Variants in MEF2D observed in about 807,000 individuals in gnomAD.
The protein encoded by MEF2D is myocyte enhancer factor 2D.
Under a neutral mutation model 59.3 loss-of-function variants are expected in MEF2D, and 10 were observed. The observed-to-expected ratio is 0.17, with a 90% CI of 0.10 to 0.29. The LOEUF is 0.29. Ranked by LOEUF, MEF2D falls within the 10% of genes least tolerant of loss-of-function variation. The probability of loss-of-function intolerance (pLI) is 1.00; values close to 1 mark genes in which losing one functional copy is unlikely to be tolerated. For synonymous variants in MEF2D, 305 were observed against 295.0 expected, an observed-to-expected ratio of 1.03 and a Z score of -0.35; for missense variants, 508 against 699.4, an observed-to-expected ratio of 0.73 and a Z score of 3.09.
intron 1 of MEF2D, among the ~76,000 whole-genome samples, chr1:156,493,177 G>A (rs977381723): frequency 1.3e-5 from 2 of 152,208 alleles, no homozygotes; most frequent in East Asian, 3.8e-4. Flanking sequence ...AGAGCTAAGA[G>A]AGAGGGGAAA....
chr1:156,464,635 G>A lies in MEF2D; in HGVS notation c.*3010C>T, dbSNP rs1227226236. The A allele has an allele frequency of 6.6e-6, 1 of 152,168 alleles. No homozygotes were observed. Among genetic ancestry groups the A allele is most frequent in the Non-Finnish European group, 1.5e-5 (1 of 68,046 alleles). The allele number at this position is 152,168 out of a possible 1,614,324, so 9.4% of individuals were successfully genotyped here. ...CTCATCTGAGGTCTGGGTTCCCAGG[G>A]ACCCATTCATCTGGCCGCCCAGGAG... On this transcript the variant is annotated 3_prime_UTR_variant, in exon 12 of 12. Coordinates refer to ENST00000348159, the MANE Select transcript of MEF2D (RefSeq NM_005920.4).
intron 1 of MEF2D, among the ~76,000 whole-genome samples, chr1:156,491,120 G>C (rs113771660): frequency 0.061 from 9,216 of 152,274 alleles, 964 homozygotes; most frequent in African/African-American, 0.21. Flanking sequence ...CAGTAGAGAA[G>C]GGATGGGTGA....
chr1:156,485,222 C>T (rs1459620677), intron 1 of MEF2D, among the ~76,000 whole-genome samples: 3 of 152,198 alleles, frequency 2.0e-5, no homozygotes, highest in Non-Finnish European at 4.4e-5. Context: ...CCCTACCCCC[C>T]AGCTCCCACT....
intron 1 of MEF2D, among the ~76,000 whole-genome samples, chr1:156,489,227 T>C (rs555783065): frequency 6.6e-6 from 1 of 152,210 alleles, no homozygotes; most frequent in African/African-American, 2.4e-5. Context: ...TGGAGACAGC[T>C]GTCATCCCTC....
In MEF2D at chr1:156,480,879, G is replaced by A. The variant is rs775893902; in HGVS notation, c.351C>T (p.Tyr117=). ...LEQSPLLEDK[Y]RRASEELDGL... ...CGTCGAGCTCCTCGCTGGCGCGTCG[G>A]TACTTGTCCTCCAGCAGGGGGCTCT... Residue 117 remains tyrosine, a synonymous_variant, in exon 4 of 12, where the codon TAC becomes TAT. Coordinates refer to ENST00000348159, the MANE Select transcript of MEF2D (RefSeq NM_005920.4). 5.0e-6 allele frequency: 8 copies of A among 1,608,050 alleles called. No homozygotes were observed. In the African/African-American group the frequency reaches 1.1e-4, roughly 21 times the overall value.
intron 6 of MEF2D, 50 bp from the exon 7 acceptor site, chr1:156,477,252 T>G: frequency 2.0e-6 from 3 of 1,500,828 alleles, no homozygotes; most frequent in Non-Finnish European, 2.7e-6. Context: ...GGCCTATCCT[T>G]CAGCCCTATT....
chr1:156,473,404 G>A lies in MEF2D; in HGVS notation c.1006+1704C>T, dbSNP rs148114578. Among the ~76,000 whole-genome samples, 613 of 152,296 alleles carry A rather than the reference G, an allele frequency of 4.0e-3. 4 individuals carry two copies. The highest frequency in any genetic ancestry group is 0.013 in the African/African-American group (548 of 41,552). On this transcript the variant is annotated intron_variant, in intron 9 of 11. Transcript: ENST00000348159. ...GTTCAACTCTGGGAGGCTTGGGGAA[G>A]GGGGAGAAGTTTATGAGTCTTTTGG...
At chr1:156,499,912 C>A (rs1673380706) in intron 1 of MEF2D, among the ~76,000 whole-genome samples, 1 of 152,068 alleles carries the variant, frequency 6.6e-6, no homozygotes, top group South Asian at 2.1e-4. Flanking sequence ...TCACACACCC[C>A]AACCCACTAC....
At position 156,468,274 on chromosome 1, in the gene MEF2D, C is replaced by T; in HGVS notation, c.1273G>A (p.Gly425Ser). ...TGGGTGGTGACTGTGAGGGCAGCAC[C>T]CACGTGGGGCAGGGGGCTGCCCGGG... ...LIPGSPLPHV[G>S]AALTVTTHPH... The change falls in exon 11 of 12, where the codon GGT becomes AGT. Residue 425 changes from glycine (G) to serine (S), a missense_variant. Physicochemically the swap from Gly to Ser is moderately conservative, Grantham distance 56. This residue lies in a region of MEF2D where 481 missense variants were observed against 584.7 expected (regional missense o/e 0.82). Transcript: ENST00000348159. This position sits in a 1 kb window ranked among gnomAD's most constrained non-coding sequence, Gnocchi z 4.3. 1 of 1,568,710 alleles carries T rather than the reference C, an allele frequency of 6.4e-7. No homozygotes were observed. The highest frequency in any genetic ancestry group is 1.2e-5 in the South Asian group (1 of 83,644).
At chr1:156,491,347 G>C (rs1360579834) in intron 1 of MEF2D, among the ~76,000 whole-genome samples, 1 of 152,198 alleles carries the variant, frequency 6.6e-6, no homozygotes, top group Non-Finnish European at 1.5e-5. Flanking sequence ...TCTCTGGGGA[G>C]GCCCAAAGGG....
chr1:156,490,967 G>C (rs973808826), intron 1 of MEF2D, among the ~76,000 whole-genome samples: 1 of 152,190 alleles, frequency 6.6e-6, no homozygotes, highest in Admixed American at 6.5e-5. Flanking sequence ...CCAGGGTCCA[G>C]CACTTCCCAC....
rs747450473 is a variant in MEF2D at position 156,468,324 on chromosome 1, G to C, written c.1248-25C>G. The C allele has an allele frequency of 1.3e-6, 2 of 1,515,208 alleles. No homozygotes were observed. Among genetic ancestry groups the C allele is most frequent in the African/African-American group, 2.8e-5 (2 of 71,814 alleles). 93.9% of individuals were successfully genotyped at this position (1,515,208 alleles called of 1,614,324 possible). On this transcript the variant is annotated intron_variant, in intron 10 of 11. Transcript: ENST00000348159. This position sits in a 1 kb window ranked among gnomAD's most constrained non-coding sequence, Gnocchi z 4.3. ...GCTGGAGGCAGGCAATGGAAATGGG[G>C]TACAAGGGATAAAAACAGAGGGGGT...
At chr1:156,481,611 T>TTACAGA (rs1672023931) in intron 3 of MEF2D, among the ~76,000 whole-genome samples, 1 of 152,252 alleles carries the variant, frequency 6.6e-6, no homozygotes, top group Non-Finnish European at 1.5e-5. Flanking sequence ...CAAAATAGCT[T>TTACAGA]TACAGATACT....
In MEF2D at chr1:156,480,964, C is replaced by T; in HGVS notation, c.266G>A (p.Arg89Lys). ...RTNADIIETL[R>K]KKGFNGCDSP... ...GTCGCAGCCGTTGAAGCCCTTCTTC[C>T]TCAGGGTCTGTAACCGCACCACTGC... Residue 89 changes from arginine to lysine, a missense_variant, in exon 4 of 12, where the codon AGG becomes AAG. Around this residue, in one of 2 missense-constraint regions of MEF2D, gnomAD observed 481 missense variants for 584.7 expected, o/e 0.82. Coordinates refer to ENST00000348159, the MANE Select transcript of MEF2D (RefSeq NM_005920.4). The T allele has an allele frequency of 1.2e-6, 2 of 1,611,926 alleles. No homozygotes were observed.
At position 156,477,207 on chromosome 1, in the gene MEF2D, A is replaced by G. The variant is rs1476904780; in HGVS notation, c.665-5T>C. On this transcript the variant is annotated splice_polypyrimidine_tract_variant and splice_region_variant and intron_variant, in intron 6 of 11. Coordinates refer to ENST00000348159, the MANE Select transcript of MEF2D (RefSeq NM_005920.4). Reference sequence around the variant, plus strand: ...GAGCACTGACGTAGCCATTCCCTGGAGAAGTGACAACAAGAGGGTAAAAGG... The same window carrying G: ...GAGCACTGACGTAGCCATTCCCTGGGGAAGTGACAACAAGAGGGTAAAAGG... 6.3e-7 allele frequency: 1 copy of G among 1,590,090 alleles called. No individual in the cohort carries two copies. The highest frequency in any genetic ancestry group is 8.6e-7 in the Non-Finnish European group (1 of 1,166,962).
chr1:156,479,810 T>TGGA lies in MEF2D; in HGVS notation c.397-17_397-15dup. ...CGGGACAGTTGACTAGACAGAAAGA[T>TGGA]GGAGGGGCAGGATCAGGCCAGGTTG... On this transcript the variant is annotated splice_polypyrimidine_tract_variant and intron_variant, in intron 4 of 11. Transcript: ENST00000348159. 6.4e-7 allele frequency: 1 copy of TGGA among 1,551,056 alleles called. No homozygotes were observed. Among genetic ancestry groups the TGGA allele is most frequent in the Non-Finnish European group, 8.7e-7 (1 of 1,146,738 alleles).
intron 1 of MEF2D, among the ~76,000 whole-genome samples, chr1:156,498,619 C>CA (rs1251775604): frequency 6.6e-6 from 1 of 152,014 alleles, no homozygotes; most frequent in Non-Finnish European, 1.5e-5. Context: ...CCCTTCCCCC[C>CA]AGAGAGACCA....
intron 8 of MEF2D, 61 bp downstream of exon 8, chr1:156,476,433 G>A: frequency 6.3e-7 from 1 of 1,579,568 alleles, no homozygotes; most frequent in Non-Finnish European, 8.7e-7. Context: ...TTCATGCTGG[G>A]GGACCGCAGA....
At chr1:156,496,281 G>A (rs1174310383) in intron 1 of MEF2D, among the ~76,000 whole-genome samples, 2 of 152,152 alleles carry the variant, frequency 1.3e-5, no homozygotes, top group Non-Finnish European at 2.9e-5. Context: ...GAGCGGGGAG[G>A]GCAACAGAGA....
Sources: allele counts gnomAD v4.1 joint callset (sites outside exome capture counted in the v4.1 genomes callset), GRCh38; gene constraint gnomAD v4.1.1; regional missense constraint gnomAD v4.1.1; non-coding constraint Gnocchi (gnomAD v3.1); transcripts MANE v1.5; gene names NCBI Gene and HGNC (gene_info 2026-07-23, HGNC 2026-07-21).